MYBPC2: variants seen among roughly 807,000 people sequenced by gnomAD.
MYBPC2 encodes myosin binding protein C2, also known as myosin-binding protein C, fast-type.
MYBPC2 carries 122 observed loss-of-function variants against 137.0 expected under a neutral mutation model. The ratio of observed to expected loss-of-function variants is 0.89; its 90% CI spans 0.77 to 1.03. MYBPC2 has a LOEUF of 1.03. Ranked by LOEUF, MYBPC2 falls within the 50% of genes least tolerant of loss-of-function variation. The probability of loss-of-function intolerance (pLI) is 0.00; values close to 1 mark genes in which losing one functional copy is unlikely to be tolerated. For missense variants in MYBPC2, 1,500 were observed against 1,534.4 expected, an observed-to-expected ratio of 0.98 and a Z score of 0.37; for synonymous variants, 626 against 612.3, an observed-to-expected ratio of 1.02 and a Z score of -0.33.
rs1487282486 is a variant in MYBPC2 at position 50,451,882 on chromosome 19, T to C, written c.1628T>C (p.Leu543Ser). The change falls in exon 16 of 28, where the codon TTG (leucine) becomes TCG (serine). Residue 543 changes from leucine (L) to serine (S), a missense_variant. Coordinates refer to ENST00000357701, the MANE Select transcript of MYBPC2 (RefSeq NM_004533.4). Reference sequence around the variant, plus strand: ...CCACCAGAGCCACCAAAGATCCACTTGGATTGCTCGGGGAAGACCTCAGAG... The same window carrying C: ...CCACCAGAGCCACCAAAGATCCACTCGGATTGCTCGGGGAAGACCTCAGAG... ...VPKQEPPKIH[L>S]DCSGKTSENA... is the part of the protein sequence containing the mutation. The C allele has an allele frequency of 1.6e-5, 25 of 1,592,580 alleles. No individual in the cohort carries two copies. In the Admixed American group the frequency reaches 3.0e-4, roughly 19 times the overall value.
rs1295189523 is a variant in MYBPC2 at position 50,465,439 on chromosome 19, T to C, written c.3416-756T>C. Among the ~76,000 whole-genome samples, 1 of 152,230 alleles carries C rather than the reference T, an allele frequency of 6.6e-6. No individual in the cohort carries two copies. Among genetic ancestry groups the C allele is most frequent in the African/African-American group, 2.4e-5 (1 of 41,460 alleles). ...CCCTCAGAGCAGGATGACATCAATG[T>C]GGACTTCCAGAGTCCCTCCCGGATG... On this transcript the variant is annotated intron_variant, in intron 27 of 27. Transcript: ENST00000357701. The surrounding 1 kb of genome is among the most constrained non-coding windows in gnomAD (Gnocchi z 4.5).
Position 50,445,898 on chromosome 19 carries a change from A to T in MYBPC2, c.1152A>T (p.Glu384Asp), listed in dbSNP as rs1270087339. The T allele has an allele frequency of 1.9e-6, 3 of 1,608,132 alleles. No individual in the cohort carries two copies. Among genetic ancestry groups the T allele is most frequent in the Admixed American group, 3.4e-5 (2 of 59,124 alleles). Reference sequence around the variant, plus strand: ...CACCTAGGATGAAAGATGGTGTGGAACTGACTCGGGAGGATTCCTTCAAGG... The same window carrying T: ...CACCTAGGATGAAAGATGGTGTGGATCTGACTCGGGAGGATTCCTTCAAGG... ...AQVMWMKDGV[E>D]LTREDSFKAR... The change falls in exon 12 of 28, where the codon GAA (glutamate) becomes GAT (aspartate). Residue 384 changes from glutamate (E) to aspartate (D), a missense_variant. Physicochemically the swap from Glu to Asp is conservative, Grantham distance 45. Coordinates refer to ENST00000357701, the MANE Select transcript of MYBPC2 (RefSeq NM_004533.4).
intron 18 of MYBPC2, among the ~76,000 whole-genome samples, 180 bp downstream of exon 18, chr19:50,454,549 G>A (rs1254638504): frequency 3.4e-5 from 5 of 148,286 alleles, no homozygotes; most frequent in South Asian, 2.2e-4. Flanking sequence ...CCTCAGCCTC[G>A]CAAGTAACTG....
chr19:50,443,415 T>A, intron 9 of MYBPC2, 79 bp from the exon 10 acceptor site: 1 of 1,538,068 alleles, frequency 6.5e-7, no homozygotes, highest in Non-Finnish European at 8.8e-7. Context: ...GAGACTTGCC[T>A]TGAGAACAGG....
chr19:50,437,859 C>A, intron 7 of MYBPC2, 141 bp downstream of exon 7: 1 of 934,302 alleles, frequency 1.1e-6, no homozygotes, highest in Non-Finnish European at 1.6e-6. Context: ...CCTGCCCACC[C>A]AGCATCTAAC....
At chr19:50,458,463 T>C in intron 20 of MYBPC2, 124 bp from the exon 21 acceptor site, 1 of 1,141,216 alleles carries the variant, frequency 8.8e-7, no homozygotes, top group South Asian at 1.6e-5. Flanking sequence ...CTGCTGCTGC[T>C]GCTTCTACTG....
rs776989120 is a variant in MYBPC2, at chr19:50,445,954, GCCACA to G, written c.1209_1213del (p.His404ProfsTer24). 3.7e-6 allele frequency: 6 copies of G among 1,612,418 alleles called. No homozygotes were observed. Among genetic ancestry groups the G allele is most frequent in the Non-Finnish European group, 5.1e-6 (6 of 1,179,328 alleles). ...TACCGCTTCAAGAAGGACGGGAAGCGCCACATCCTCATCTTCTCAGACGTGGTCCA... is the reference window on the plus strand; with the variant it reads ...TACCGCTTCAAGAAGGACGGGAAGCGTCCTCATCTTCTCAGACGTGGTCCA... On this transcript the variant is annotated frameshift_variant, in exon 12 of 28. Coordinates refer to ENST00000357701, the MANE Select transcript of MYBPC2 (RefSeq NM_004533.4). LOFTEE classifies it high-confidence loss of function.
chr19:50,441,657 T>C (rs1355912326), intron 8 of MYBPC2, among the ~76,000 whole-genome samples: 1 of 151,920 alleles, frequency 6.6e-6, no homozygotes, highest in African/African-American at 2.4e-5. Flanking sequence ...CTGGCTAACA[T>C]GGTGAAACCC....
chr19:50,454,420 GTTTTTTTTTTTTT>G lies in MYBPC2; in HGVS notation c.2014+62_2014+74del. 6 of 735,496 alleles carry G rather than the reference GTTTTTTTTTTTTT, an allele frequency of 8.2e-6. No homozygotes were observed. In the East Asian group the frequency reaches 1.6e-4, roughly 20 times the overall value. 45.6% of individuals were successfully genotyped at this position (735,496 alleles called of 1,614,324 possible). ...CTGACCTTCCCTCTTTCTGCCTTCT[GTTTTTTTTTTTTT>G]TTTTTTTTTTGAGATGGAGTCTCAC... On this transcript the variant is annotated intron_variant, in intron 18 of 27. Coordinates refer to ENST00000357701, the MANE Select transcript of MYBPC2 (RefSeq NM_004533.4).
intron 14 of MYBPC2, 133 bp from the exon 15 acceptor site, chr19:50,451,147 C>A: frequency 5.0e-6 from 6 of 1,190,746 alleles, no homozygotes; most frequent in South Asian, 2.7e-5. Flanking sequence ...GGCTCCTGGG[C>A]CTGAACCTGT....
chr19:50,462,066 T>C (rs1458110343), intron 26 of MYBPC2, 30 bp downstream of exon 26: 1 of 1,553,624 alleles, frequency 6.4e-7, no homozygotes, highest in Middle Eastern at 1.7e-4. Context: ...GATCTGCGTG[T>C]GTGTTGCCTT....
chr19:50,440,321 A>AT (rs1279242060), intron 7 of MYBPC2, among the ~76,000 whole-genome samples: 20 of 129,174 alleles, frequency 1.5e-4, no homozygotes, highest in East Asian at 6.4e-4. Flanking sequence ...ACCTGTGGAA[A>AT]TAAAATAAAT....
At position 50,441,055 on chromosome 19, in the gene MYBPC2, G is replaced by A; in HGVS notation, c.748G>A (p.Val250Ile). The A allele has an allele frequency of 1.3e-6, 2 of 1,599,696 alleles. No individual in the cohort carries two copies. The highest frequency in any genetic ancestry group is 1.1e-5 in the South Asian group (1 of 88,352). The change falls in exon 8 of 28, where the codon GTC (valine) becomes ATC (isoleucine). Residue 250 changes from valine to isoleucine, a missense_variant. Coordinates refer to ENST00000357701, the MANE Select transcript of MYBPC2 (RefSeq NM_004533.4). ...GMLKRLKKAKVEVKKSAAFTK... is the reference protein window; with the variant it reads ...GMLKRLKKAKIEVKKSAAFTK... ...GCTGAAGCGGCTGAAAAAGGCTAAGGTCGAGGTCAAGAAGAGTGCAGGTCA... is the reference window on the plus strand; with the variant it reads ...GCTGAAGCGGCTGAAAAAGGCTAAGATCGAGGTCAAGAAGAGTGCAGGTCA...
At position 50,455,083 on chromosome 19, in the gene MYBPC2, TCTC is replaced by T. The variant is rs774719968; in HGVS notation, c.2015-21_2015-19del. On this transcript the variant is annotated intron_variant, in intron 18 of 27. Transcript: ENST00000357701. ...TGCCCCATGCCCTCCCGTTCCCTCT[TCTC>T]CTCTCTGCTTGGAGCCTCCAGGGTA... The T allele has an allele frequency of 1.1e-5, 18 of 1,592,090 alleles. No homozygotes were observed. In the South Asian group the frequency reaches 1.9e-4, roughly 17 times the overall value.
intron 24 of MYBPC2, among the ~76,000 whole-genome samples, chr19:50,461,064 C>T (rs977726472): frequency 2.6e-5 from 4 of 151,382 alleles, no homozygotes; most frequent in African/African-American, 9.8e-5. Context: ...AATGCAGTGG[C>T]ATGATCATGG....
intron 18 of MYBPC2, among the ~76,000 whole-genome samples, chr19:50,454,825 G>T (rs908966399): frequency 6.6e-6 from 1 of 151,920 alleles, no homozygotes; most frequent in African/African-American, 2.4e-5. Context: ...TGGTCTTCCC[G>T]CTTCCTTTAC....
rs192052302 is a variant in MYBPC2 at position 50,433,800 on chromosome 19, G to A, written c.19+828G>A. The stretch of plus-strand genomic sequence containing the variant: ...TGAGTGAAGACTCAGAGGGAGCCAG[G>A]TGCAGGGGCTCACGCCTGTCATCCC... On this transcript the variant is annotated intron_variant, in intron 1 of 27. Coordinates refer to ENST00000357701, the MANE Select transcript of MYBPC2 (RefSeq NM_004533.4). Among the ~76,000 whole-genome samples, 287 of 149,740 alleles carry A rather than the reference G, an allele frequency of 1.9e-3. 1 individual carries two copies. Among genetic ancestry groups the A allele is most frequent in the African/African-American group, 6.7e-3 (272 of 40,696 alleles).
intron 11 of MYBPC2, among the ~76,000 whole-genome samples, chr19:50,445,199 G>T (rs1015390938): frequency 2.0e-5 from 3 of 151,944 alleles, no homozygotes; most frequent in African/African-American, 7.3e-5. Flanking sequence ...GAGAGAAGGG[G>T]AGAGTGCCCT....
At chr19:50,437,849 C>A in intron 7 of MYBPC2, 131 bp downstream of exon 7, 1 of 1,037,024 alleles carries the variant, frequency 9.6e-7, no homozygotes, top group Non-Finnish European at 1.4e-6. Context: ...CTGTTCACTC[C>A]CTGCCCACCC....
Sources: gnomAD v4.1 joint callset for allele counts (sites outside exome capture counted in the v4.1 genomes callset) on GRCh38, gnomAD v4.1.1 for gene constraint, Gnocchi (gnomAD v3.1) non-coding constraint, MANE v1.5 for transcripts, NCBI Gene and HGNC (gene_info 2026-07-23, HGNC 2026-07-21) for gene names.